The following PRDM16 variants were observed in gnomAD, a reference collection of about 807,000 sequenced individuals.
The protein encoded by PRDM16 is PR/SET domain 16.
In PRDM16, 23 loss-of-function variants were observed where a neutral mutation model predicts 110.6. The ratio of observed to expected loss-of-function variants is 0.21; its 90% CI spans 0.15 to 0.29. PRDM16 has a LOEUF of 0.29. Among genes scored for constraint, PRDM16 ranks in the 10% least tolerant of loss-of-function variants. PRDM16 has a pLI of 1.00. For synonymous variants in PRDM16, 799 were observed against 781.8 expected (o/e 1.02, Z -0.37); for missense variants, 1,615 against 1,794.3 (o/e 0.90, Z 1.81).
chr1:3,433,108 G>C (rs1638811924), intron 16 of PRDM16, among the ~76,000 whole-genome samples: 1 of 152,218 alleles, frequency 6.6e-6, no homozygotes, highest in Non-Finnish European at 1.5e-5. Flanking sequence ...CTGATCACCA[G>C]GTGGAGGAAA....
intron 1 of PRDM16, among the ~76,000 whole-genome samples, chr1:3,097,334 G>A (rs371664844): frequency 7.2e-5 from 11 of 152,304 alleles, no homozygotes; most frequent in Admixed American, 5.9e-4. Context: ...CAGGGCTGCC[G>A]AGGGCTGCAT....
At chr1:3,116,519 C>T (rs556426315) in intron 1 of PRDM16, among the ~76,000 whole-genome samples, 237 of 152,224 alleles carry the variant, frequency 1.6e-3, no homozygotes, top group African/African-American at 4.7e-3. Context: ...CTCTGTCACT[C>T]GGGGACGCGC....
At chr1:3,164,371 C>T (rs1643925942) in intron 1 of PRDM16, among the ~76,000 whole-genome samples, 1 of 152,214 alleles carries the variant, frequency 6.6e-6, no homozygotes, top group South Asian at 2.1e-4. Context: ...GGATGTCAGC[C>T]GTGACGTTGG....
intron 4 of PRDM16, among the ~76,000 whole-genome samples, chr1:3,393,964 G>A (rs1643340095): frequency 6.6e-6 from 1 of 152,146 alleles, no homozygotes; most frequent in African/African-American, 2.4e-5. Context: ...CAGGGCCAGG[G>A]AGGGGGAGCC....
At chr1:3,161,331 CTTTG>C (rs1557492458) in intron 1 of PRDM16, among the ~76,000 whole-genome samples, 1 of 152,236 alleles carries the variant, frequency 6.6e-6, no homozygotes, top group Non-Finnish European at 1.5e-5. Flanking sequence ...GGGGAGGGTT[CTTTG>C]TTTGCCGGTC....
At chr1:3,431,459 C>CG (rs1180563820) in intron 15 of PRDM16, among the ~76,000 whole-genome samples, 1 of 152,246 alleles carries the variant, frequency 6.6e-6, no homozygotes, top group Non-Finnish European at 1.5e-5. Flanking sequence ...CGTGGGCACA[C>CG]GGGGGCCAAG....
intron 1 of PRDM16, among the ~76,000 whole-genome samples, chr1:3,127,506 C>G (rs551018650): frequency 3.9e-5 from 6 of 152,320 alleles, no homozygotes; most frequent in African/African-American, 1.4e-4. Context: ...GAGCCACAGC[C>G]TAGCTTCCCC....
At chr1:3,119,957 G>T (rs987251332) in intron 1 of PRDM16, among the ~76,000 whole-genome samples, 3 of 142,116 alleles carry the variant, frequency 2.1e-5, no homozygotes, top group Non-Finnish European at 1.5e-5. Context: ...TTCTTGGAGG[G>T]GGGAGAGAGG....
chr1:3,321,409 AGT>A lies in PRDM16; in HGVS notation c.439-63740_439-63739del, dbSNP rs576482526. Among the ~76,000 whole-genome samples the A allele has an allele frequency of 4.8e-5, 7 of 147,170 alleles. No individual in the cohort carries two copies. The East Asian group carries it at 8.2e-4, about 17-fold the overall frequency. Reference sequence around the variant, plus strand: ...GTCTCTGTGAGTGTGTGCATTTGTGAGTGTATGCATTTGTGTGTGGGTGCACA... The same window carrying A: ...GTCTCTGTGAGTGTGTGCATTTGTGAGTATGCATTTGTGTGTGGGTGCACA... On this transcript the variant is annotated intron_variant, in intron 3 of 16. Coordinates refer to ENST00000270722, the MANE Select transcript of PRDM16 (RefSeq NM_022114.4).
Position 3,356,519 on chromosome 1 carries a change from A to G in PRDM16, c.439-28633A>G, listed in dbSNP as rs556651883. 1.6e-4 allele frequency among the ~76,000 whole-genome samples: 25 copies of G among 152,354 alleles called. 1 individual carries two copies. In the South Asian group the frequency reaches 4.8e-3, roughly 29 times the overall value. On this transcript the variant is annotated intron_variant, in intron 3 of 16. Coordinates refer to ENST00000270722, the MANE Select transcript of PRDM16 (RefSeq NM_022114.4). ...GAGACGGTCAGAGGAGGCTGCCCCCAGCTCTGCTTTTCCTTGCCTGGGTGC... is the reference window on the plus strand; with the variant it reads ...GAGACGGTCAGAGGAGGCTGCCCCCGGCTCTGCTTTTCCTTGCCTGGGTGC...
intron 3 of PRDM16, among the ~76,000 whole-genome samples, chr1:3,371,379 C>T (rs1443256912): frequency 6.6e-6 from 1 of 151,966 alleles, no homozygotes; most frequent in Non-Finnish European, 1.5e-5. Flanking sequence ...TCCATCCACC[C>T]ATCCATTCAC....
At chr1:3,194,597 CCACCACA>C (rs1289725494) in intron 2 of PRDM16, among the ~76,000 whole-genome samples, 7 of 149,880 alleles carry the variant, frequency 4.7e-5, no homozygotes, top group Admixed American at 1.3e-4. Context: ...CACCGTCTCC[CCACCACA>C]CGCCACCGTC....
chr1:3,318,491 T>A (rs1466650156), intron 3 of PRDM16, among the ~76,000 whole-genome samples: 1 of 151,342 alleles, frequency 6.6e-6, no homozygotes, highest in Admixed American at 6.5e-5. Flanking sequence ...CAATTGATTA[T>A]TTTTCTACCA....
chr1:3,360,236 A>G (rs1642688348), intron 3 of PRDM16, among the ~76,000 whole-genome samples: 1 of 152,200 alleles, frequency 6.6e-6, no homozygotes, highest in African/African-American at 2.4e-5. Context: ...TGCGGGCCAG[A>G]GCGACCAGTC....
At chr1:3,102,941 T>C (rs1642566616) in intron 1 of PRDM16, among the ~76,000 whole-genome samples, 1 of 152,246 alleles carries the variant, frequency 6.6e-6, no homozygotes, top group Admixed American at 6.5e-5. Context: ...GATGTGAGTC[T>C]GAATGTATCA....
chr1:3,335,464 C>T (rs1007086529), intron 3 of PRDM16, among the ~76,000 whole-genome samples: 1 of 152,130 alleles, frequency 6.6e-6, no homozygotes, highest in Non-Finnish European at 1.5e-5. Flanking sequence ...GTCGCATGTC[C>T]GAAAGCGTGC....
chr1:3,327,433 C>T (rs1466350392), intron 3 of PRDM16, among the ~76,000 whole-genome samples: 1 of 152,234 alleles, frequency 6.6e-6, no homozygotes, highest in East Asian at 1.9e-4. Context: ...CCGCCCTGCC[C>T]TCCCAGGCCC....
chr1:3,329,296 TG>T, intron 3 of PRDM16, among the ~76,000 whole-genome samples: 1 of 152,292 alleles, frequency 6.6e-6, no homozygotes, highest in Non-Finnish European at 1.5e-5. Flanking sequence ...GTTGGGGGGC[TG>T]GGGGCCTTTC....
At chr1:3,115,318 C>T (rs193028964) in intron 1 of PRDM16, among the ~76,000 whole-genome samples, 292 of 152,330 alleles carry the variant, frequency 1.9e-3, no homozygotes, top group African/African-American at 6.7e-3. Flanking sequence ...ATGTGGTGGC[C>T]CCATCAGCGC....
Sources: allele counts gnomAD v4.1 joint callset (sites outside exome capture counted in the v4.1 genomes callset), GRCh38; gene constraint gnomAD v4.1.1; transcripts MANE v1.5; gene names NCBI Gene and HGNC (gene_info 2026-07-23, HGNC 2026-07-21).